Variants in SETBP1 observed in about 807,000 individuals in gnomAD.
The protein encoded by SETBP1 is SET binding protein 1.
SETBP1 carries 9 observed loss-of-function variants against 101.0 expected under a neutral mutation model. That is an observed-to-expected ratio of 0.09 (90% CI 0.05 to 0.16). The LOEUF (loss-of-function observed/expected upper bound fraction) is 0.16, where lower values mean the gene tolerates loss of function less well. Among genes scored for constraint, SETBP1 ranks in the 10% least tolerant of loss-of-function variants. The pLI is 1.00. For synonymous variants in SETBP1, 818 were observed against 788.5 expected, an observed-to-expected ratio of 1.04 and a Z score of -0.63; for missense variants, 1,858 against 2,033.8, an observed-to-expected ratio of 0.91 and a Z score of 1.66.
intron 2 of SETBP1, among the ~76,000 whole-genome samples, chr18:44,847,696 G>A (rs1052051324): frequency 1.3e-5 from 2 of 152,204 alleles, no homozygotes; most frequent in African/African-American, 4.8e-5. Flanking sequence ...CCACTGAAAT[G>A]GGATGGGACT....
chr18:44,759,359 AC>A (rs1341266830), intron 2 of SETBP1, among the ~76,000 whole-genome samples: 3 of 152,190 alleles, frequency 2.0e-5, no homozygotes, highest in South Asian at 2.1e-4. Context: ...CGAAGGTGAT[AC>A]GTTCAACATG....
intron 3 of SETBP1, among the ~76,000 whole-genome samples, chr18:44,882,999 G>A (rs916232285): frequency 4.6e-5 from 7 of 152,148 alleles, no homozygotes; most frequent in African/African-American, 1.7e-4. Context: ...CAGAAATCAT[G>A]AGATAACATA....
At chr18:44,940,649 G>A (rs775642081) in intron 3 of SETBP1, among the ~76,000 whole-genome samples, 2 of 152,066 alleles carry the variant, frequency 1.3e-5, no homozygotes, top group Admixed American at 6.5e-5. Flanking sequence ...ACCTCTATAT[G>A]TACGCTCTTA....
chr18:44,902,249 TC>T (rs1178102328), intron 3 of SETBP1, among the ~76,000 whole-genome samples: 1 of 152,166 alleles, frequency 6.6e-6, no homozygotes, highest in African/African-American at 2.4e-5. Context: ...TCTCTCTCTC[TC>T]TCTGTCTCTT....
chr18:44,956,736 G>A (rs2071491181), intron 4 of SETBP1, among the ~76,000 whole-genome samples: 1 of 152,164 alleles, frequency 6.6e-6, no homozygotes, highest in African/African-American at 2.4e-5. Context: ...CCATCTAAAC[G>A]TAAGTCATTA....
At chr18:44,681,740 T>G (rs2068763734) in intron 1 of SETBP1, among the ~76,000 whole-genome samples, 1 of 152,138 alleles carries the variant, frequency 6.6e-6, no homozygotes, top group Admixed American at 6.5e-5. Context: ...CTGTGTTGGA[T>G]TCTCAGGGTG....
intron 2 of SETBP1, among the ~76,000 whole-genome samples, chr18:44,705,574 T>C (rs926080956): frequency 2.6e-5 from 4 of 152,228 alleles, no homozygotes; most frequent in Non-Finnish European, 5.9e-5. Context: ...TTAATTTTGC[T>C]GAAGTCATTG....
intron 2 of SETBP1, among the ~76,000 whole-genome samples, chr18:44,748,412 G>A (rs534067880): frequency 6.6e-6 from 1 of 152,232 alleles, no homozygotes; most frequent in South Asian, 2.1e-4. Context: ...TTTTCCAGAG[G>A]AGGAAGAGGA....
chr18:44,814,032 C>A (rs2071920988), intron 2 of SETBP1, among the ~76,000 whole-genome samples: 2 of 152,134 alleles, frequency 1.3e-5, no homozygotes, highest in African/African-American at 4.8e-5. Flanking sequence ...CCTTGCCCTC[C>A]AGAAACCCCC....
Position 44,952,919 on chromosome 18 carries a change from A to T in SETBP1, c.3579A>T (p.Ala1193=). The part of the protein sequence containing the change: ...SHILSERLSS[A]DKELPLVSEK... ...TCCTGAGCGAGCGGCTGAGTAGCGC[A>T]GACAAAGAGCTCCCGCTGGTGAGTG... Residue 1193 remains alanine (A), a synonymous_variant, in exon 4 of 6, where the codon GCA becomes GCT. Coordinates refer to ENST00000649279, the MANE Select transcript of SETBP1 (RefSeq NM_015559.3). 6.2e-7 allele frequency: 1 copy of T among 1,614,212 alleles called. No homozygotes were observed. Among genetic ancestry groups the T allele is most frequent in the Non-Finnish European group, 8.5e-7 (1 of 1,180,036 alleles).
At chr18:44,719,454 C>G (rs2069537331) in intron 2 of SETBP1, among the ~76,000 whole-genome samples, 1 of 152,164 alleles carries the variant, frequency 6.6e-6, no homozygotes, top group Admixed American at 6.5e-5. Context: ...TTCAGATGAC[C>G]TTTTCCGAGA....
At chr18:45,045,556 A>G (rs191909689) in intron 5 of SETBP1, among the ~76,000 whole-genome samples, 1 of 151,572 alleles carries the variant, frequency 6.6e-6, no homozygotes, top group East Asian at 1.9e-4. Flanking sequence ...GTCTCCTTCC[A>G]TTTGCCTTGT....
chr18:44,781,323 A>G lies in SETBP1; in HGVS notation c.486+79491A>G, dbSNP rs558641643. ...GCAAGGATATGCCCACTTAACTAAAATTCTTAGAGACAGGGAAGATTTCAC... is the reference window on the plus strand; with the variant it reads ...GCAAGGATATGCCCACTTAACTAAAGTTCTTAGAGACAGGGAAGATTTCAC... On this transcript the variant is annotated intron_variant, in intron 2 of 5. Transcript: ENST00000649279. 2.6e-5 allele frequency among the ~76,000 whole-genome samples: 4 copies of G among 152,256 alleles called. No individual in the cohort carries two copies. The East Asian group carries it at 7.7e-4, about 29-fold the overall frequency.
intron 4 of SETBP1, among the ~76,000 whole-genome samples, chr18:44,994,534 C>A (rs1437055660): frequency 1.3e-5 from 2 of 152,200 alleles, no homozygotes; most frequent in African/African-American, 2.4e-5. Flanking sequence ...TTTCATTCCT[C>A]CATGTCTGTT....
At chr18:44,927,073 T>G (rs2070722453) in intron 3 of SETBP1, among the ~76,000 whole-genome samples, 1 of 152,158 alleles carries the variant, frequency 6.6e-6, no homozygotes, top group Admixed American at 6.5e-5. Context: ...TGATTATCCA[T>G]TTGAGTTTAA....
At chr18:45,048,375 C>G (rs1312872008) in intron 5 of SETBP1, among the ~76,000 whole-genome samples, 2 of 152,190 alleles carry the variant, frequency 1.3e-5, no homozygotes, top group African/African-American at 4.8e-5. Flanking sequence ...TTATGAAACC[C>G]TCTCATGTCA....
chr18:44,949,856 C>T (rs961245953), intron 3 of SETBP1, 25 bp from the exon 4 acceptor site: 11 of 1,555,808 alleles, frequency 7.1e-6, no homozygotes, highest in Non-Finnish European at 7.1e-6. Context: ...CTGTCTCTCT[C>T]CCTCTCCACT....
intron 4 of SETBP1, among the ~76,000 whole-genome samples, chr18:45,025,478 T>C (rs1017701878): frequency 1.2e-4 from 19 of 152,206 alleles, no homozygotes; most frequent in African/African-American, 4.1e-4. Context: ...AGGAGATCTA[T>C]CTAATGATGG....
intron 4 of SETBP1, among the ~76,000 whole-genome samples, chr18:44,991,569 T>C (rs188388392): frequency 6.6e-6 from 1 of 152,266 alleles, no homozygotes; most frequent in African/African-American, 2.4e-5. Context: ...GCTGAAATGA[T>C]AGAATGTTCA....
Sources: gnomAD v4.1 joint callset for allele counts (sites outside exome capture counted in the v4.1 genomes callset) on GRCh38, gnomAD v4.1.1 for gene constraint, MANE v1.5 for transcripts, NCBI Gene and HGNC (gene_info 2026-07-23, HGNC 2026-07-21) for gene names.